Variants in MDN1 observed in about 807,000 individuals in gnomAD.
MDN1 encodes midasin.
A neutral mutation model predicts 669.2 loss-of-function variants in MDN1; 266 were observed. The observed-to-expected ratio is 0.40, with a 90% CI of 0.36 to 0.44. MDN1 has a LOEUF of 0.44. MDN1 is among the 20% of genes least tolerant of loss of function. MDN1 has a pLI of 1.00. For missense variants in MDN1, 5,940 were observed against 6,754.0 expected (o/e 0.88, Z 4.22); for synonymous variants, 2,385 against 2,457.1 (o/e 0.97, Z 0.87).
intron 53 of MDN1, among the ~76,000 whole-genome samples, chr6:89,703,534 T>C (rs1375830012): frequency 6.6e-6 from 1 of 152,202 alleles, no homozygotes; most frequent in African/African-American, 2.4e-5. Flanking sequence ...ACATTGTTTC[T>C]AGATTAGTGA....
Position 89,706,145 on chromosome 6 carries a change from C to G in MDN1, c.8062G>C (p.Ala2688Pro), listed in dbSNP as rs1813499158. 1 of 1,613,342 alleles carries G rather than the reference C, an allele frequency of 6.2e-7. No homozygotes were observed. Among genetic ancestry groups the G allele is most frequent in the Non-Finnish European group, 8.5e-7 (1 of 1,179,554 alleles). Residue 2688 changes from alanine to proline, a missense_variant, in exon 53 of 102, where the codon GCT (alanine) becomes CCT (proline). By Grantham distance (27) the Ala-to-Pro change is conservative. Transcript: ENST00000369393. ...TLPHEIVVNL[A>P]AFFELCDALV... ...GCATCACAAAGTTCAAAAAAAGCAGCAAGATTGACCACAATTTCATGGGGC... is the reference window on the plus strand; with the variant it reads ...GCATCACAAAGTTCAAAAAAAGCAGGAAGATTGACCACAATTTCATGGGGC...
intron 87 of MDN1, among the ~76,000 whole-genome samples, chr6:89,661,779 T>C (rs187513022): frequency 6.6e-6 from 1 of 152,338 alleles, no homozygotes; most frequent in African/African-American, 2.4e-5. Context: ...GTGCAGGTTA[T>C]CCAAGGACAA....
At chr6:89,671,898 C>A (rs754620507) in intron 82 of MDN1, among the ~76,000 whole-genome samples, 45 of 152,254 alleles carry the variant, frequency 3.0e-4, no homozygotes, top group African/African-American at 1.1e-3. Context: ...TTGATAACAT[C>A]GTCTATCAGT....
intron 93 of MDN1, among the ~76,000 whole-genome samples, chr6:89,653,468 T>C (rs1386514180): frequency 6.6e-6 from 1 of 152,178 alleles, no homozygotes; most frequent in Non-Finnish European, 1.5e-5. Flanking sequence ...ATGTAAAACT[T>C]TGACAGAAAT....
intron 2 of MDN1, chr6:89,797,596 T>G (rs962257635): frequency 1.4e-5 from 6 of 414,772 alleles, no homozygotes; most frequent in African/African-American, 1.2e-4. Context: ...TTGGACTGAT[T>G]TGCTGCCATG....
In MDN1 at chr6:89,753,566, C is replaced by T; in HGVS notation, c.3021G>A (p.Gln1007=). The change falls in exon 22 of 102, where the codon CAG becomes CAA. Residue 1007 remains glutamine (Q), a synonymous_variant. Coordinates refer to ENST00000369393, the MANE Select transcript of MDN1 (RefSeq NM_014611.3). ...GGACAATGTGTTGACAGATGAGCTT[C>T]TGAACTATTGGGTGTGATGCCCTGT... ...QLDRASHPIV[Q]KLICQHIVPG... 6.2e-7 allele frequency: 1 copy of T among 1,613,944 alleles called. No homozygotes were observed. The highest frequency in any genetic ancestry group is 8.5e-7 in the Non-Finnish European group (1 of 1,179,824).
chr6:89,673,568 G>C, intron 79 of MDN1, 106 bp from the exon 80 acceptor site: 1 of 996,174 alleles, frequency 1.0e-6, no homozygotes, highest in Non-Finnish European at 1.5e-6. Flanking sequence ...ACTCATCATA[G>C]CTGAAGGTTT....
intron 26 of MDN1, among the ~76,000 whole-genome samples, chr6:89,747,843 A>ATC (rs1816734924): frequency 1.4e-5 from 2 of 147,128 alleles, no homozygotes; most frequent in Non-Finnish European, 3.0e-5. Flanking sequence ...GTGAGCCGAG[A>ATC]CTGCGCCACT....
chr6:89,778,229 C>T (rs1036652889), intron 11 of MDN1, among the ~76,000 whole-genome samples: 7 of 150,306 alleles, frequency 4.7e-5, no homozygotes, highest in Non-Finnish European at 1.0e-4. Flanking sequence ...AGAAAACAGG[C>T]CCCCAATACT....
intron 59 of MDN1, 75 bp from the exon 60 acceptor site, chr6:89,696,649 A>G: frequency 1.7e-6 from 2 of 1,166,870 alleles, no homozygotes; most frequent in South Asian, 1.3e-5. Flanking sequence ...GGAACCTGAG[A>G]GGAAAGAAAC....
chr6:89,647,503 A>G (rs1808565861), intron 99 of MDN1, among the ~76,000 whole-genome samples: 1 of 152,224 alleles, frequency 6.6e-6, no homozygotes, highest in African/African-American at 2.4e-5. Flanking sequence ...CTACTCGGAA[A>G]AAAAAGTAGG....
At chr6:89,743,518 T>C in intron 30 of MDN1, 58 bp downstream of exon 30, 2 of 1,573,680 alleles carry the variant, frequency 1.3e-6, no homozygotes, top group Non-Finnish European at 8.6e-7. Context: ...CACCACTAAC[T>C]CATGCACAGC....
At chr6:89,781,894 AG>A (rs1183909295) in intron 9 of MDN1, among the ~76,000 whole-genome samples, 7 of 152,186 alleles carry the variant, frequency 4.6e-5, no homozygotes, top group Admixed American at 4.6e-4. Context: ...CTGAGCAGGG[AG>A]GATCATCTGA....
At chr6:89,667,496 A>G (rs1244386328) in intron 84 of MDN1, among the ~76,000 whole-genome samples, 1 of 152,230 alleles carries the variant, frequency 6.6e-6, no homozygotes, top group Non-Finnish European at 1.5e-5. Context: ...TCACTCACAA[A>G]TGAGACAGGC....
intron 31 of MDN1, among the ~76,000 whole-genome samples, chr6:89,741,467 A>G (rs1412811722): frequency 6.6e-6 from 1 of 152,204 alleles, no homozygotes; most frequent in Non-Finnish European, 1.5e-5. Context: ...ACTTTAAAAG[A>G]AAAGTAATAG....
At chr6:89,773,994 G>T (rs1015762906) in intron 13 of MDN1, among the ~76,000 whole-genome samples, 1 of 151,458 alleles carries the variant, frequency 6.6e-6, no homozygotes, top group East Asian at 1.9e-4. Flanking sequence ...GAAAAGAAAA[G>T]AAAGAAAGAA....
chr6:89,765,947 G>A (rs1584338942), intron 15 of MDN1, among the ~76,000 whole-genome samples: 2 of 152,126 alleles, frequency 1.3e-5, no homozygotes, highest in East Asian at 1.9e-4. Context: ...TTGATCTATT[G>A]AATTTATGAA....
At chr6:89,682,661 T>C (rs1443843608) in intron 73 of MDN1, among the ~76,000 whole-genome samples, 40 of 139,122 alleles carry the variant, frequency 2.9e-4, no homozygotes, top group Non-Finnish European at 9.1e-5. Context: ...TGAGCCGAGA[T>C]CGTGCCACTG....
Position 89,658,841 on chromosome 6 carries a change from G to T in MDN1, c.14790C>A (p.Thr4930=), listed in dbSNP as rs768713486. 2.5e-6 allele frequency: 4 copies of T among 1,614,008 alleles called. No individual in the cohort carries two copies. The highest frequency in any genetic ancestry group is 3.4e-6 in the Non-Finnish European group (4 of 1,180,006). Residue 4930 remains threonine (T), a synonymous_variant, in exon 89 of 102, where the codon ACC becomes ACA. Coordinates refer to ENST00000369393, the MANE Select transcript of MDN1 (RefSeq NM_014611.3). ...HEAEERGETE[T]DQNESQSPQE... ...GTGGACTCTGACTTTCGTTCTGGTC[G>T]GTCTCGGTCTCTCCTCTTTCCTCAG... is the stretch of plus-strand genomic sequence containing the variant.
Sources: gnomAD v4.1 joint callset for allele counts (sites outside exome capture counted in the v4.1 genomes callset) on GRCh38, gnomAD v4.1.1 for gene constraint, MANE v1.5 for transcripts, NCBI Gene and HGNC (gene_info 2026-07-23, HGNC 2026-07-21) for gene names.